GAS7: variants seen among roughly 807,000 people sequenced by gnomAD.
GAS7 encodes growth arrest-specific protein 7.
Under a neutral mutation model 71.1 loss-of-function variants are expected in GAS7, and 28 were observed. That is an observed-to-expected ratio of 0.39 (90% CI 0.29 to 0.54). GAS7 has a LOEUF of 0.54. GAS7 is among the 20% of genes least tolerant of loss of function. The probability of loss-of-function intolerance (pLI) is 0.62; values close to 1 mark genes in which losing one functional copy is unlikely to be tolerated. For missense variants in GAS7, 436 were observed against 627.8 expected, an observed-to-expected ratio of 0.69 and a Z score of 3.27; for synonymous variants, 258 against 245.8, an observed-to-expected ratio of 1.05 and a Z score of -0.46.
intron 3 of GAS7, among the ~76,000 whole-genome samples, chr17:9,977,412 T>C (rs2070248016): frequency 6.6e-6 from 1 of 152,190 alleles, no homozygotes; most frequent in Non-Finnish European, 1.5e-5. Flanking sequence ...CCCTTTTCAC[T>C]CATTTTCTTT....
intron 1 of GAS7, among the ~76,000 whole-genome samples, chr17:10,161,839 C>A (rs943179628): frequency 6.6e-6 from 1 of 151,956 alleles, no homozygotes; most frequent in Non-Finnish European, 1.5e-5. Flanking sequence ...CCGAGGCGGG[C>A]GGATCATGAG....
At chr17:10,107,854 C>G (rs1024661016) in intron 1 of GAS7, among the ~76,000 whole-genome samples, 2 of 151,236 alleles carry the variant, frequency 1.3e-5, no homozygotes, top group African/African-American at 4.9e-5. Flanking sequence ...GGAGAACCAC[C>G]TTACACACAG....
chr17:10,161,802 T>A (rs780004991), intron 1 of GAS7, among the ~76,000 whole-genome samples: 11 of 152,086 alleles, frequency 7.2e-5, no homozygotes, highest in Non-Finnish European at 1.2e-4. Context: ...CGGTGGCTCA[T>A]GCGTGTAATC....
chr17:9,968,199 G>A (rs1164976262), intron 4 of GAS7, among the ~76,000 whole-genome samples: 1 of 152,156 alleles, frequency 6.6e-6, no homozygotes, highest in African/African-American at 2.4e-5. Context: ...AGGCAAGCTG[G>A]GAGCTCAGCA....
chr17:9,956,908 A>T lies in GAS7; in HGVS notation c.525+2294T>A, dbSNP rs565384594. On this transcript the variant is annotated intron_variant, in intron 5 of 13. Coordinates refer to ENST00000432992, the MANE Select transcript of GAS7 (RefSeq NM_201433.2). ...CTTCTTGGGAAACCATGAACTCTGG[A>T]GGATCAGAACCCAGAGGAAGAGGCT... Among the ~76,000 whole-genome samples the T allele has an allele frequency of 2.6e-3, 401 of 152,228 alleles. 3 individuals are homozygous for T. Among genetic ancestry groups the T allele is most frequent in the Non-Finnish European group, 5.0e-3 (340 of 68,018 alleles).
At chr17:10,143,493 G>A (rs914752054) in intron 1 of GAS7, among the ~76,000 whole-genome samples, 2 of 150,100 alleles carry the variant, frequency 1.3e-5, no homozygotes, top group Non-Finnish European at 2.9e-5. Context: ...AGTGAGCCGA[G>A]ATCATGCCAT....
chr17:10,036,608 C>A (rs1410991227), intron 1 of GAS7: 8 of 1,458,046 alleles, frequency 5.5e-6, no homozygotes, highest in Non-Finnish European at 9.0e-7. Flanking sequence ...TCTGGGCACC[C>A]CAGCGGAGGT....
At chr17:10,017,941 A>T (rs1029518499) in intron 2 of GAS7, among the ~76,000 whole-genome samples, 3 of 152,226 alleles carry the variant, frequency 2.0e-5, no homozygotes, top group African/African-American at 7.2e-5. Flanking sequence ...AGTCCCAGAA[A>T]AAAGCTGCCA....
intron 2 of GAS7, among the ~76,000 whole-genome samples, chr17:9,996,480 T>G (rs1394477540): frequency 6.6e-6 from 1 of 150,870 alleles, no homozygotes; most frequent in African/African-American, 2.4e-5. Context: ...TAAATGACGA[T>G]TTAATGGGTG....
At chr17:10,063,835 T>A (rs530744385) in intron 1 of GAS7, among the ~76,000 whole-genome samples, 35 of 152,290 alleles carry the variant, frequency 2.3e-4, no homozygotes, top group Admixed American at 3.9e-4. Flanking sequence ...GACACTCAGG[T>A]CATGGGCTTC....
chr17:10,027,503 T>C (rs771919532), intron 1 of GAS7, among the ~76,000 whole-genome samples: 1 of 152,170 alleles, frequency 6.6e-6, no homozygotes. Flanking sequence ...CTTTAAGAGG[T>C]GATCAGCCCA....
intron 2 of GAS7, among the ~76,000 whole-genome samples, chr17:10,012,838 C>G (rs1251885504): frequency 6.6e-6 from 1 of 152,014 alleles, no homozygotes; most frequent in African/African-American, 2.4e-5. Context: ...CGCGGTGGCT[C>G]ACGCCTGTAA....
intron 9 of GAS7, among the ~76,000 whole-genome samples, chr17:9,927,320 C>CAT (rs2068043960): frequency 1.3e-5 from 2 of 150,656 alleles, no homozygotes; most frequent in African/African-American, 4.9e-5. Flanking sequence ...CACACACACA[C>CAT]ACACACACAC....
chr17:10,055,756 A>G (rs2073127581), intron 1 of GAS7, among the ~76,000 whole-genome samples: 1 of 152,266 alleles, frequency 6.6e-6, no homozygotes, highest in Admixed American at 6.5e-5. Flanking sequence ...TCATGGAACA[A>G]TGCTTGCCCT....
chr17:10,041,286 G>A (rs936092538), intron 1 of GAS7, among the ~76,000 whole-genome samples: 2 of 152,130 alleles, frequency 1.3e-5, no homozygotes, highest in African/African-American at 4.8e-5. Context: ...CATAGCCTGT[G>A]ACTCCTCAGT....
At chr17:9,938,598 T>A (rs2068485631) in intron 8 of GAS7, among the ~76,000 whole-genome samples, 1 of 144,504 alleles carries the variant, frequency 6.9e-6, no homozygotes, top group South Asian at 2.2e-4. Flanking sequence ...AATGGGAGAG[T>A]CCTTACCAGG....
intron 2 of GAS7, among the ~76,000 whole-genome samples, chr17:10,005,198 CATGT>C (rs1257866490): frequency 3.4e-5 from 5 of 148,846 alleles, no homozygotes; most frequent in African/African-American, 5.0e-5. Flanking sequence ...TGCACGCATG[CATGT>C]GTGTGCATGT....
At position 9,959,817 on chromosome 17, in the gene GAS7, G is replaced by A. The variant is rs368093753; in HGVS notation, c.472-562C>T. 2.1e-4 allele frequency among the ~76,000 whole-genome samples: 32 copies of A among 150,686 alleles called. No homozygotes were observed. Among genetic ancestry groups the A allele is most frequent in the African/African-American group, 7.2e-4 (29 of 40,226 alleles). ...GATTTCTCAGCCAAACCGACTTCCA[G>A]CTTCCACTCAGTCTTTATATTGCCT... On this transcript the variant is annotated intron_variant, in intron 4 of 13. Coordinates refer to ENST00000432992, the MANE Select transcript of GAS7 (RefSeq NM_201433.2). This position sits in a 1 kb window ranked among gnomAD's most constrained non-coding sequence, Gnocchi z 5.0.
rs1236019261 is a variant in GAS7, at chr17:10,012,557, G to A, written c.304+7220C>T. On this transcript the variant is annotated intron_variant, in intron 2 of 13. Transcript: ENST00000432992. ...CCCACCTCGGCTTCCCAAAGTGCTGGATTACAGGTGAGAGCCACCACACCC... is the reference window on the plus strand; with the variant it reads ...CCCACCTCGGCTTCCCAAAGTGCTGAATTACAGGTGAGAGCCACCACACCC... 2.0e-5 allele frequency among the ~76,000 whole-genome samples: 3 copies of A among 152,180 alleles called. No individual in the cohort carries two copies. In the East Asian group the frequency reaches 5.8e-4, roughly 29 times the overall value.
Sources: gnomAD v4.1 joint callset for allele counts (sites outside exome capture counted in the v4.1 genomes callset) on GRCh38, gnomAD v4.1.1 for gene constraint, Gnocchi (gnomAD v3.1) non-coding constraint, MANE v1.5 for transcripts, NCBI Gene and HGNC (gene_info 2026-07-23, HGNC 2026-07-21) for gene names.